Variants in KATNIP observed in about 807,000 individuals in gnomAD.
KATNIP encodes katanin interacting protein, also known as katanin-interacting protein.
KATNIP carries 126 observed loss-of-function variants against 174.0 expected under a neutral mutation model. The observed-to-expected ratio is 0.72, with a 90% CI of 0.63 to 0.84. The LOEUF is 0.84. Ranked by LOEUF, KATNIP falls within the 40% of genes least tolerant of loss-of-function variation. The pLI is 0.00. For missense variants in KATNIP, 1,958 were observed against 2,109.7 expected, an observed-to-expected ratio of 0.93 and a Z score of 1.41; for synonymous variants, 810 against 835.7, an observed-to-expected ratio of 0.97 and a Z score of 0.53.
chr16:27,628,601 G>T, intron 3 of KATNIP, 60 bp from the exon 4 acceptor site: 1 of 1,563,442 alleles, frequency 6.4e-7, no homozygotes, highest in Non-Finnish European at 8.8e-7. Flanking sequence ...CCTGGCTTGG[G>T]GGTACAGCAG....
chr16:27,642,344 T>C (rs1385500631), intron 5 of KATNIP, among the ~76,000 whole-genome samples: 6 of 152,120 alleles, frequency 3.9e-5, no homozygotes, highest in Non-Finnish European at 7.4e-5. Flanking sequence ...TTCTCACTCA[T>C]AGGTGGGAAT....
chr16:27,771,602 G>A lies in KATNIP; in HGVS notation c.4148G>A (p.Ser1383Asn), dbSNP rs781104655. 12 of 1,613,312 alleles carry A rather than the reference G, an allele frequency of 7.4e-6. No individual in the cohort carries two copies. Among genetic ancestry groups the A allele is most frequent in the East Asian group, 2.2e-5 (1 of 44,874 alleles). ...PQPARRLDMR[S>N]LECASMDYEA... ...TGCTTTTTCAGGCTGGACATGAGAA[G>A]CCTGGAGTGTGCAAGCATGGACTAC... The change falls in exon 22 of 28, where the codon AGC becomes AAC. Residue 1383 changes from serine (S) to asparagine (N), a missense_variant. By Grantham distance (46) the Ser-to-Asn change is conservative. Coordinates refer to ENST00000261588, the MANE Select transcript of KATNIP (RefSeq NM_015202.5).
chr16:27,705,603 T>G (rs2142997090), intron 12 of KATNIP, among the ~76,000 whole-genome samples: 1 of 152,294 alleles, frequency 6.6e-6, no homozygotes, highest in Non-Finnish European at 1.5e-5. Flanking sequence ...AAATATCTGC[T>G]GCAAGTTCAC....
In KATNIP at chr16:27,740,885, G is replaced by A. The variant is rs1184007014; in HGVS notation, c.2588G>A (p.Ser863Asn). Residue 863 changes from serine to asparagine, a missense_variant, in exon 15 of 28, where the codon AGC becomes AAC. Ser to Asn is a conservative substitution (Grantham distance 46). Coordinates refer to ENST00000261588, the MANE Select transcript of KATNIP (RefSeq NM_015202.5). ...AGGGGCTCAAGGAAGGATGCTGGCA[G>A]CAGTAGTCATGGGGACGACCAGCCA... Reference protein sequence around the residue: ...GRRGSRKDAGSSSHGDDQPAS... With the variant: ...GRRGSRKDAGNSSHGDDQPAS... 1 of 1,605,222 alleles carries A rather than the reference G, an allele frequency of 6.2e-7. No individual in the cohort carries two copies. The highest frequency in any genetic ancestry group is 8.5e-7 in the Non-Finnish European group (1 of 1,176,228).
chr16:27,699,406 C>A, intron 9 of KATNIP, 128 bp from the exon 10 acceptor site: 1 of 1,471,850 alleles, frequency 6.8e-7, no homozygotes, highest in Non-Finnish European at 9.1e-7. Flanking sequence ...TCTGACCTTG[C>A]CCCTGAACTT....
At chr16:27,550,254 C>T (rs1307015404) in intron 1 of KATNIP, 77 bp downstream of exon 1, 2 of 1,537,148 alleles carry the variant, frequency 1.3e-6, no homozygotes, top group Non-Finnish European at 1.8e-6. Flanking sequence ...GGGCAGAATC[C>T]TAGGCCATGA....
At chr16:27,654,742 A>G (rs752618218) in intron 6 of KATNIP, 5 of 1,351,990 alleles carry the variant, frequency 3.7e-6, no homozygotes, top group South Asian at 1.1e-5. Flanking sequence ...TGATGGTAAG[A>G]TCAGTTTTCA....
intron 6 of KATNIP, among the ~76,000 whole-genome samples, chr16:27,671,981 G>A (rs529281690): frequency 2.6e-5 from 4 of 152,220 alleles, no homozygotes; most frequent in African/African-American, 4.8e-5. Flanking sequence ...GCTTGAACCC[G>A]GAAGGCGGAG....
chr16:27,749,933 C>A lies in KATNIP; in HGVS notation c.2973C>A (p.Val991=), dbSNP rs768034192. ...CTACCTGGGGGGACAGACACTATGTCGGCCTCAACGGAATAGAAATATTCA... is the reference window on the plus strand; with the variant it reads ...CTACCTGGGGGGACAGACACTATGTAGGCCTCAACGGAATAGAAATATTCA... ...IKSTWGDRHY[V]GLNGIEIFSS... The change falls in exon 16 of 28, where the codon GTC becomes GTA. Residue 991 remains valine, a synonymous_variant. Transcript: ENST00000261588. 10 of 1,614,032 alleles carry A rather than the reference C, an allele frequency of 6.2e-6. No individual in the cohort carries two copies. The highest frequency in any genetic ancestry group is 4.5e-5 in the East Asian group (2 of 44,886).
chr16:27,679,745 C>T (rs1021381535), intron 7 of KATNIP, among the ~76,000 whole-genome samples: 9 of 141,780 alleles, frequency 6.3e-5, no homozygotes, highest in Non-Finnish European at 1.1e-4. Context: ...GAATGAGACC[C>T]TCTCAAAAAA....
At chr16:27,642,015 T>C (rs575285054) in intron 5 of KATNIP, among the ~76,000 whole-genome samples, 1 of 152,336 alleles carries the variant, frequency 6.6e-6, no homozygotes, top group African/African-American at 2.4e-5. Context: ...GGCCTCCTGG[T>C]ATTTGGATGT....
intron 2 of KATNIP, among the ~76,000 whole-genome samples, chr16:27,585,962 G>A (rs761396058): frequency 9.9e-5 from 15 of 152,006 alleles, no homozygotes; most frequent in Non-Finnish European, 1.6e-4. Context: ...TTAGGCGGGC[G>A]TGGTGGCACA....
chr16:27,642,528 G>C (rs1381235877), intron 5 of KATNIP, among the ~76,000 whole-genome samples: 1 of 152,130 alleles, frequency 6.6e-6, no homozygotes, highest in Non-Finnish European at 1.5e-5. Flanking sequence ...AGACCTCCAG[G>C]AATCTCCGGG....
chr16:27,767,584 C>G (rs988975399), intron 20 of KATNIP, among the ~76,000 whole-genome samples: 1 of 152,188 alleles, frequency 6.6e-6, no homozygotes, highest in Non-Finnish European at 1.5e-5. Context: ...CTTAGTGGCA[C>G]ACACCTGTAG....
chr16:27,777,188 T>C lies in KATNIP; in HGVS notation c.4551+159T>C, dbSNP rs544229047. Among the ~76,000 whole-genome samples the C allele has an allele frequency of 9.8e-5, 15 of 152,288 alleles. No homozygotes were observed. Among genetic ancestry groups the C allele is most frequent in the Non-Finnish European group, 1.6e-4 (11 of 68,020 alleles). On this transcript the variant is annotated intron_variant, in intron 25 of 27. Transcript: ENST00000261588. This position sits in a 1 kb window ranked among gnomAD's most constrained non-coding sequence, Gnocchi z 4.4. Reference sequence around the variant, plus strand: ...TGCAGGCGAATTTCCCACCCAACCATGAATTCAGAACCTGCTGGCAGTGAT... The same window carrying C: ...TGCAGGCGAATTTCCCACCCAACCACGAATTCAGAACCTGCTGGCAGTGAT...
At chr16:27,668,588 CA>C in intron 6 of KATNIP, among the ~76,000 whole-genome samples, 1 of 152,224 alleles carries the variant, frequency 6.6e-6, no homozygotes, top group South Asian at 2.1e-4. Flanking sequence ...AATACAGAGT[CA>C]GATGGTCATT....
chr16:27,613,482 TC>T, intron 2 of KATNIP, among the ~76,000 whole-genome samples: 1 of 152,282 alleles, frequency 6.6e-6, no homozygotes, highest in South Asian at 2.1e-4. Context: ...TTCTTTGAAG[TC>T]CCATATTTCA....
intron 12 of KATNIP, among the ~76,000 whole-genome samples, chr16:27,704,736 G>T (rs2079231270): frequency 6.6e-6 from 1 of 152,098 alleles, no homozygotes. Flanking sequence ...ATATCAGCCT[G>T]ACTGTAAAAG....
chr16:27,771,344 A>C (rs2082292830), intron 21 of KATNIP, among the ~76,000 whole-genome samples: 1 of 152,102 alleles, frequency 6.6e-6, no homozygotes. Context: ...GGAATAAAAG[A>C]GTCCATTTCA....
Sources: allele counts gnomAD v4.1 joint callset (sites outside exome capture counted in the v4.1 genomes callset), GRCh38; gene constraint gnomAD v4.1.1; non-coding constraint Gnocchi (gnomAD v3.1); transcripts MANE v1.5; gene names NCBI Gene and HGNC (gene_info 2026-07-23, HGNC 2026-07-21).